LRRC3C: variants seen among roughly 807,000 people sequenced by gnomAD.
LRRC3C encodes leucine rich repeat containing 3C, also known as leucine-rich repeat-containing protein 3C.
LRRC3C carries 11 observed loss-of-function variants against 14.8 expected under a neutral mutation model. The ratio of observed to expected loss-of-function variants is 0.74; its 90% CI spans 0.47 to 1.23. LRRC3C has a LOEUF of 1.23. LRRC3C is among the 50% of genes most tolerant of loss of function. LRRC3C has a pLI of 0.00. For synonymous variants in LRRC3C, 149 were observed against 161.5 expected, an observed-to-expected ratio of 0.92 and a Z score of 0.59; for missense variants, 354 against 361.8, an observed-to-expected ratio of 0.98 and a Z score of 0.18.
At chr17:39,933,538 T>G (rs1024098559) in intron 1 of LRRC3C, among the ~76,000 whole-genome samples, 3 of 152,036 alleles carry the variant, frequency 2.0e-5, no homozygotes, top group Non-Finnish European at 1.5e-5. Flanking sequence ...ATCGAGACCA[T>G]CCTGGCTAAC....
intron 1 of LRRC3C, among the ~76,000 whole-genome samples, chr17:39,932,237 C>A (rs920023573): frequency 1.3e-5 from 2 of 152,138 alleles, no homozygotes; most frequent in Non-Finnish European, 2.9e-5. Context: ...CATGATAATA[C>A]CCTCCTCATG....
chr17:39,937,564 C>T (rs766461295), intron 2 of LRRC3C, among the ~76,000 whole-genome samples: 3 of 152,232 alleles, frequency 2.0e-5, no homozygotes, highest in Non-Finnish European at 4.4e-5. Context: ...ACTTCTTTAC[C>T]CCTGGCCTTT....
At chr17:39,938,298 G>A (rs1165078827) in intron 2 of LRRC3C, among the ~76,000 whole-genome samples, 2 of 152,182 alleles carry the variant, frequency 1.3e-5, no homozygotes, top group African/African-American at 4.8e-5. Context: ...AGTTGCTGGT[G>A]TTGGTTGAGT....
At chr17:39,927,996 C>A in intron 1 of LRRC3C, 182 bp downstream of exon 1, 1 of 483,818 alleles carries the variant, frequency 2.1e-6, no homozygotes, top group Non-Finnish European at 2.7e-6. Context: ...CTGCACCTGG[C>A]TGCCTCCGCC....
At chr17:39,937,859 C>T (rs564814340) in intron 2 of LRRC3C, among the ~76,000 whole-genome samples, 1 of 152,192 alleles carries the variant, frequency 6.6e-6, no homozygotes, top group East Asian at 1.9e-4. Flanking sequence ...TGGCCAGGCA[C>T]GGTGGCTCAC....
intron 1 of LRRC3C, among the ~76,000 whole-genome samples, chr17:39,934,113 G>A (rs1978733334): frequency 6.6e-6 from 1 of 152,196 alleles, no homozygotes; most frequent in Non-Finnish European, 1.5e-5. Context: ...TCCTGTAGTT[G>A]GCTATTTTGG....
intron 2 of LRRC3C, chr17:39,939,569 T>G (rs1211976104): frequency 3.9e-6 from 1 of 259,290 alleles, no homozygotes; most frequent in African/African-American, 2.3e-5. Context: ...GATTTGAATG[T>G]GCAGGGTGTT....
At chr17:39,939,540 C>A in intron 2 of LRRC3C, 1 of 390,900 alleles carries the variant, frequency 2.6e-6, no homozygotes, top group Non-Finnish European at 3.5e-6. Context: ...CATAACTAAT[C>A]TGTAAAAGCT....
At chr17:39,939,309 A>G (rs1158697267) in intron 2 of LRRC3C, 1 of 970,652 alleles carries the variant, frequency 1.0e-6, no homozygotes, top group African/African-American at 1.8e-5. Flanking sequence ...CCATGTTATT[A>G]ATACTTATTC....
At chr17:39,939,532 T>A in intron 2 of LRRC3C, 3 of 471,442 alleles carry the variant, frequency 6.4e-6, no homozygotes, top group Non-Finnish European at 8.3e-6. Context: ...AGCCCCAGCA[T>A]AACTAATCTG....
intron 2 of LRRC3C, among the ~76,000 whole-genome samples, chr17:39,940,996 G>A (rs1055513194): frequency 2.6e-5 from 4 of 151,458 alleles, no homozygotes; most frequent in African/African-American, 9.7e-5. Context: ...CACCCACCTC[G>A]GCCTCCCGAA....
rs140759513 is a variant in LRRC3C at position 39,935,838 on chromosome 17, G to A, written c.-138G>A. 294 of 985,392 alleles carry A rather than the reference G, an allele frequency of 3.0e-4. 1 individual carries two copies. Among genetic ancestry groups the A allele is most frequent in the East Asian group, 2.5e-3 (22 of 8,812 alleles). 61.0% of individuals were successfully genotyped at this position (985,392 alleles called of 1,614,324 possible). A position where few individuals can be genotyped will look rare whatever the true frequency, so the allele number is the denominator to read the frequency against. ...AGCAGAGGCCTTTGTTGCCCTCTCC[G>A]CGAAACTGCCCAGTAACCTGGCATT... On this transcript the variant is annotated 5_prime_UTR_variant, in exon 2 of 4. Coordinates refer to ENST00000377924, the MANE Select transcript of LRRC3C (RefSeq NM_001195545.2).
chr17:39,944,918 C>G lies in LRRC3C; in HGVS notation c.*184C>G, dbSNP rs1053507868. ...CTCTCTCTCTCTGTGTCGTCTTAAC[C>G]AACACCATCTTTGGTGCCTGGAGTT... On this transcript the variant is annotated 3_prime_UTR_variant, in exon 4 of 4. Coordinates refer to ENST00000377924, the MANE Select transcript of LRRC3C (RefSeq NM_001195545.2). Among the ~76,000 whole-genome samples, 1 of 151,676 alleles carries G rather than the reference C, an allele frequency of 6.6e-6. No individual in the cohort carries two copies. The highest frequency in any genetic ancestry group is 6.6e-5 in the Admixed American group (1 of 15,234).
chr17:39,930,856 C>T (rs903575171), intron 1 of LRRC3C, among the ~76,000 whole-genome samples: 5 of 151,504 alleles, frequency 3.3e-5, no homozygotes, highest in Admixed American at 3.3e-4. Context: ...AAAAAGTCCT[C>T]CATGGCTGGG....
chr17:39,937,509 C>T (rs1978831570), intron 2 of LRRC3C, among the ~76,000 whole-genome samples: 2 of 151,122 alleles, frequency 1.3e-5, no homozygotes, highest in African/African-American at 4.8e-5. Flanking sequence ...AATCAAGTCC[C>T]AATGCATCCA....
intron 3 of LRRC3C, 104 bp downstream of exon 3, chr17:39,941,653 G>T (rs189283208): frequency 3.9e-6 from 4 of 1,019,532 alleles, no homozygotes; most frequent in South Asian, 1.4e-5. Flanking sequence ...ATACAATACC[G>T]TGGGTACCAT....
intron 1 of LRRC3C, among the ~76,000 whole-genome samples, chr17:39,930,961 G>T (rs1978633984): frequency 6.6e-6 from 1 of 151,256 alleles, no homozygotes; most frequent in African/African-American, 2.4e-5. Context: ...GGCCAACATG[G>T]TGAAACCCCG....
chr17:39,934,437 C>G (rs966018905), intron 1 of LRRC3C, among the ~76,000 whole-genome samples: 1 of 152,160 alleles, frequency 6.6e-6, no homozygotes, highest in Non-Finnish European at 1.5e-5. Flanking sequence ...CCACCGTTCC[C>G]AGATCACCTT....
intron 1 of LRRC3C, chr17:39,929,553 A>C (rs1177534128): frequency 2.6e-5 from 4 of 152,172 alleles, no homozygotes; most frequent in Non-Finnish European, 5.9e-5. Context: ...CCTAAGCACT[A>C]TTCAGAGTGA....
Sources: allele counts gnomAD v4.1 joint callset (sites outside exome capture counted in the v4.1 genomes callset), GRCh38; gene constraint gnomAD v4.1.1; transcripts MANE v1.5; gene names NCBI Gene and HGNC (gene_info 2026-07-23, HGNC 2026-07-21).